RBFOX1: variants seen among roughly 807,000 people sequenced by gnomAD.
RBFOX1 encodes the protein RNA binding fox-1 homolog 1, also known as RNA binding protein fox-1 homolog 1.
RBFOX1 carries 8 observed loss-of-function variants against 57.7 expected under a neutral mutation model. That is an observed-to-expected ratio of 0.14 (90% CI 0.08 to 0.25). The LOEUF (loss-of-function observed/expected upper bound fraction) is 0.25, where lower values mean the gene tolerates loss of function less well. Ranked by LOEUF, RBFOX1 falls within the 10% of genes least tolerant of loss-of-function variation. The probability of loss-of-function intolerance (pLI) is 1.00; values close to 1 mark genes in which losing one functional copy is unlikely to be tolerated. For synonymous variants in RBFOX1, 326 were observed against 222.4 expected, an observed-to-expected ratio of 1.47 and a Z score of -4.15; for missense variants, 611 against 548.5, an observed-to-expected ratio of 1.11 and a Z score of -1.14.
intron 3 of RBFOX1, among the ~76,000 whole-genome samples, chr16:7,016,516 T>C (rs1278682466): frequency 6.6e-6 from 1 of 152,172 alleles, no homozygotes; most frequent in Admixed American, 6.5e-5. Flanking sequence ...CACAGTGTAT[T>C]CAGCACACCT....
chr16:6,997,098 G>T (rs1213490123), intron 3 of RBFOX1, among the ~76,000 whole-genome samples: 1 of 152,060 alleles, frequency 6.6e-6, no homozygotes, highest in African/African-American at 2.4e-5. Context: ...ACCTTTTGTT[G>T]TGTTGACTGT....
chr16:5,461,347 C>T (rs955537220), intron 1 of RBFOX1, among the ~76,000 whole-genome samples: 3 of 152,168 alleles, frequency 2.0e-5, no homozygotes, highest in Admixed American at 1.3e-4. Flanking sequence ...GCGTTTCCCA[C>T]GCCTCCTTTC....
intron 1 of RBFOX1, among the ~76,000 whole-genome samples, chr16:6,182,626 T>G (rs1490183418): frequency 6.6e-6 from 1 of 152,198 alleles, no homozygotes; most frequent in Non-Finnish European, 1.5e-5. Context: ...TTCAATTCAT[T>G]TTAACCTATA....
At chr16:7,635,922 T>A (rs1201703140) in intron 11 of RBFOX1, among the ~76,000 whole-genome samples, 2 of 152,210 alleles carry the variant, frequency 1.3e-5, no homozygotes, top group Non-Finnish European at 2.9e-5. Context: ...ACCATTCTCC[T>A]GTCTCAGCCT....
chr16:7,468,987 G>A (rs948135029), intron 4 of RBFOX1, among the ~76,000 whole-genome samples: 12 of 151,940 alleles, frequency 7.9e-5, no homozygotes, highest in African/African-American at 2.9e-4. Flanking sequence ...AGGCTGGAGT[G>A]CAGTGTTGCC....
At chr16:6,353,755 G>T (rs562306069) in intron 2 of RBFOX1, among the ~76,000 whole-genome samples, 2 of 152,204 alleles carry the variant, frequency 1.3e-5, no homozygotes, top group East Asian at 3.9e-4. Flanking sequence ...TCATGCAAGC[G>T]AACGGTGAGT....
At chr16:6,962,002 C>T (rs551544998) in intron 3 of RBFOX1, among the ~76,000 whole-genome samples, 1 of 152,126 alleles carries the variant, frequency 6.6e-6, no homozygotes, top group Non-Finnish European at 1.5e-5. Context: ...AGCTCAGTAG[C>T]TCTCAGCCTC....
intron 3 of RBFOX1, among the ~76,000 whole-genome samples, chr16:5,751,133 G>A (rs1249891356): frequency 2.0e-5 from 3 of 152,134 alleles, no homozygotes; most frequent in Non-Finnish European, 4.4e-5. Context: ...ATGAGCCATC[G>A]TGCCTTGCCA....
At chr16:6,384,562 A>C (rs191678833) in intron 2 of RBFOX1, among the ~76,000 whole-genome samples, 3 of 152,194 alleles carry the variant, frequency 2.0e-5, no homozygotes, top group Admixed American at 6.5e-5. Flanking sequence ...AATTACTTCT[A>C]TACCTTATTA....
At chr16:6,875,836 C>G (rs1417786584) in intron 3 of RBFOX1, among the ~76,000 whole-genome samples, 1 of 151,824 alleles carries the variant, frequency 6.6e-6, no homozygotes, top group Non-Finnish European at 1.5e-5. Flanking sequence ...GAAACCTCAT[C>G]TCTACAAAAA....
chr16:5,300,270 C>A (rs1421898304), intron 1 of RBFOX1, among the ~76,000 whole-genome samples: 1 of 152,002 alleles, frequency 6.6e-6, no homozygotes, highest in African/African-American at 2.4e-5. Context: ...TTCTTGTATG[C>A]ACATATGCTG....
At chr16:6,788,508 C>T (rs149455645) in intron 3 of RBFOX1, among the ~76,000 whole-genome samples, 3 of 151,568 alleles carry the variant, frequency 2.0e-5, no homozygotes, top group Non-Finnish European at 2.9e-5. Flanking sequence ...GAGTCTCTTG[C>T]TCTGTCGCCC....
intron 5 of RBFOX1, among the ~76,000 whole-genome samples, chr16:7,524,676 C>G (rs1466074306): frequency 6.6e-6 from 1 of 152,214 alleles, no homozygotes; most frequent in Admixed American, 6.5e-5. Context: ...GGAGGCTCTA[C>G]TGACAGGGAA....
intron 2 of RBFOX1, among the ~76,000 whole-genome samples, chr16:6,537,941 A>G (rs946881098): frequency 5.3e-5 from 8 of 151,788 alleles, no homozygotes; most frequent in African/African-American, 1.9e-4. Flanking sequence ...TTTTTTTTTA[A>G]TAAAAAGGAT....
In RBFOX1 at chr16:7,039,050, C is replaced by CACG. The variant is rs1555798888; in HGVS notation, c.-15-13006_-15-13005insCGA. ...AACAATATGATGTTTAAAGGAATAT[C>CACG]AGAAGTGCTCACTAAATGTGTTGTC... On this transcript the variant is annotated intron_variant, in intron 3 of 15. Transcript: ENST00000550418. Among the ~76,000 whole-genome samples the CACG allele has an allele frequency of 1.3e-5, 2 of 151,842 alleles. 1 individual carries two copies. Among genetic ancestry groups the CACG allele is most frequent in the African/African-American group, 4.8e-5 (2 of 41,442 alleles).
chr16:5,619,648 G>C (rs1471491730), intron 3 of RBFOX1, among the ~76,000 whole-genome samples: 1 of 152,174 alleles, frequency 6.6e-6, no homozygotes, highest in Admixed American at 6.5e-5. Flanking sequence ...TTAGCAGGTG[G>C]CAAAGAGGGG....
chr16:6,849,588 G>C (rs542086938), intron 3 of RBFOX1, among the ~76,000 whole-genome samples: 6 of 152,300 alleles, frequency 3.9e-5, no homozygotes, highest in East Asian at 3.9e-4. Flanking sequence ...AGAATTGCTT[G>C]AATGCAGGAG....
intron 3 of RBFOX1, among the ~76,000 whole-genome samples, chr16:5,710,209 T>A (rs554077599): frequency 6.6e-6 from 1 of 152,192 alleles, no homozygotes; most frequent in African/African-American, 2.4e-5. Context: ...GGTCCTATTT[T>A]GTCACTTTGC....
intron 4 of RBFOX1, among the ~76,000 whole-genome samples, chr16:7,438,225 C>T (rs180884297): frequency 6.6e-6 from 1 of 152,178 alleles, no homozygotes; most frequent in East Asian, 1.9e-4. Flanking sequence ...ACAGAGAGTT[C>T]TTCATGTCCT....
Sources: gnomAD v4.1 joint callset for allele counts (sites outside exome capture counted in the v4.1 genomes callset) on GRCh38, gnomAD v4.1.1 for gene constraint, MANE v1.5 for transcripts, NCBI Gene and HGNC (gene_info 2026-07-23, HGNC 2026-07-21) for gene names.